TRIP4: variants seen among roughly 807,000 people sequenced by gnomAD.
TRIP4 encodes activating signal cointegrator 1.
TRIP4 carries 54 observed loss-of-function variants against 81.8 expected under a neutral mutation model. That is an observed-to-expected ratio of 0.66 (90% CI 0.53 to 0.83). The LOEUF is 0.83. Among genes scored for constraint, TRIP4 ranks in the 40% least tolerant of loss-of-function variants. The probability of loss-of-function intolerance (pLI) is 0.00; values close to 1 mark genes in which losing one functional copy is unlikely to be tolerated. For synonymous variants in TRIP4, 270 were observed against 242.8 expected, an observed-to-expected ratio of 1.11 and a Z score of -1.04; for missense variants, 662 against 683.6, an observed-to-expected ratio of 0.97 and a Z score of 0.35.
At chr15:64,389,599 G>A (rs1900057115) in intron 1 of TRIP4, among the ~76,000 whole-genome samples, 1 of 151,668 alleles carries the variant, frequency 6.6e-6, no homozygotes, top group South Asian at 2.1e-4. Context: ...GTATTTAGTA[G>A]TTTTCAAACA....
Position 64,414,132 on chromosome 15 carries a change from C to A in TRIP4, c.1091C>A (p.Pro364Gln). The A allele has an allele frequency of 6.2e-7, 1 of 1,614,100 alleles. No individual in the cohort carries two copies. The highest frequency in any genetic ancestry group is 1.3e-5 in the African/African-American group (1 of 75,026). ...ATTGCCAATGGAACCTTGAACCAGCCACTGACCAAATTGGATAGATCTTCT... is the reference window on the plus strand; with the variant it reads ...ATTGCCAATGGAACCTTGAACCAGCAACTGACCAAATTGGATAGATCTTCT... Reference protein sequence around the residue: ...QAIANGTLNQPLTKLDRSSEE... With the variant: ...QAIANGTLNQQLTKLDRSSEE... Residue 364 changes from proline to glutamine, a missense_variant, in exon 8 of 13, where the codon CCA (proline) becomes CAA (glutamine). Transcript: ENST00000261884.
chr15:64,432,433 G>T (rs906244643), intron 11 of TRIP4, among the ~76,000 whole-genome samples: 1 of 29,918 alleles, frequency 3.3e-5, no homozygotes, highest in Non-Finnish European at 1.7e-4. Context: ...GACCAGCTTG[G>T]TGACCATCTC....
intron 8 of TRIP4, among the ~76,000 whole-genome samples, chr15:64,418,238 A>T (rs1891929588): frequency 6.6e-6 from 1 of 152,070 alleles, no homozygotes; most frequent in Non-Finnish European, 1.5e-5. Context: ...CTGCCTCATG[A>T]GTAGCTGGGA....
intron 11 of TRIP4, among the ~76,000 whole-genome samples, chr15:64,428,723 C>G (rs1380242552): frequency 6.6e-6 from 1 of 152,096 alleles, no homozygotes; most frequent in African/African-American, 2.4e-5. Flanking sequence ...ATTCTCTTGC[C>G]TCACCCTCCT....
At chr15:64,438,543 T>C (rs750799640) in intron 11 of TRIP4, among the ~76,000 whole-genome samples, 2 of 152,188 alleles carry the variant, frequency 1.3e-5, no homozygotes, top group African/African-American at 4.8e-5. Context: ...GGTCTCGAAC[T>C]CCCAACCTCA....
chr15:64,395,124 A>C (rs1367583403), intron 2 of TRIP4, among the ~76,000 whole-genome samples: 1 of 152,154 alleles, frequency 6.6e-6, no homozygotes, highest in Non-Finnish European at 1.5e-5. Context: ...GGGATTATGC[A>C]TGTGAGCCAC....
chr15:64,414,666 G>A (rs934472511), intron 8 of TRIP4, among the ~76,000 whole-genome samples: 14 of 151,482 alleles, frequency 9.2e-5, no homozygotes, highest in Non-Finnish European at 1.3e-4. Flanking sequence ...ACAGGTGCCC[G>A]CTACCACGCC....
intron 11 of TRIP4, among the ~76,000 whole-genome samples, chr15:64,430,040 C>G (rs760477675): frequency 6.6e-6 from 1 of 152,122 alleles, no homozygotes; most frequent in Non-Finnish European, 1.5e-5. Flanking sequence ...ATAGTGTGAT[C>G]ATTTAGTCCT....
At chr15:64,444,686 T>G (rs1566985665) in intron 11 of TRIP4, 1 of 160,524 alleles carries the variant, frequency 6.2e-6, no homozygotes, top group Non-Finnish European at 1.4e-5. Flanking sequence ...CTCCTGACTC[T>G]TGGTTGTTTG....
intron 7 of TRIP4, 52 bp downstream of exon 7, chr15:64,409,880 A>T: frequency 6.5e-7 from 1 of 1,533,660 alleles, no homozygotes; most frequent in Non-Finnish European, 8.9e-7. Context: ...GTTGACCATA[A>T]AGGATTTTCC....
intron 4 of TRIP4, among the ~76,000 whole-genome samples, chr15:64,398,555 G>C: frequency 6.6e-6 from 1 of 152,092 alleles, no homozygotes; most frequent in East Asian, 1.9e-4. Context: ...CCAGGCTGCA[G>C]TGAGACAGCG....
intron 5 of TRIP4, 92 bp downstream of exon 5, chr15:64,400,913 A>G: frequency 9.6e-7 from 1 of 1,036,880 alleles, no homozygotes; most frequent in Non-Finnish European, 1.5e-6. Context: ...GGAGTGCAAG[A>G]TGCAGTTTAT....
chr15:64,404,132 G>T (rs2140288177), intron 5 of TRIP4, among the ~76,000 whole-genome samples: 1 of 152,038 alleles, frequency 6.6e-6, no homozygotes, highest in South Asian at 2.1e-4. Flanking sequence ...GGAGGTTGCA[G>T]TGAGCCGAGA....
Position 64,395,526 on chromosome 15 carries a change from G to A in TRIP4, c.400G>A (p.Ala134Thr). ...AGAGGTTAAAACACCTTTTGATTTGGCCAAGGTGAGTGCTTATAGATTGAA... is the reference window on the plus strand; with the variant it reads ...AGAGGTTAAAACACCTTTTGATTTGACCAAGGTGAGTGCTTATAGATTGAA... The part of the protein sequence containing the change: ...TAEVKTPFDL[A>T]KAQENSNSVK... The change falls in exon 3 of 13, where the codon GCC becomes ACC. Residue 134 changes from alanine (A) to threonine (T), a missense_variant. Physicochemically the swap from Ala to Thr is moderately conservative, Grantham distance 58. Transcript: ENST00000261884. The A allele has an allele frequency of 3.1e-6, 5 of 1,609,138 alleles. No homozygotes were observed. The highest frequency in any genetic ancestry group is 4.2e-6 in the Non-Finnish European group (5 of 1,177,444).
intron 12 of TRIP4, among the ~76,000 whole-genome samples, chr15:64,450,013 G>T (rs1386967966): frequency 1.3e-5 from 2 of 152,164 alleles, no homozygotes; most frequent in Non-Finnish European, 2.9e-5. Context: ...AAAATATTGG[G>T]GAAATACAGA....
chr15:64,426,699 CAA>C (rs35662517), intron 11 of TRIP4, among the ~76,000 whole-genome samples: 1,057 of 77,010 alleles, frequency 0.014, 10 homozygotes, highest in African/African-American at 0.032. Context: ...GACTCTGTCT[CAA>C]AAAAAAAAAA....
At chr15:64,446,070 C>T (rs914688249) in intron 12 of TRIP4, among the ~76,000 whole-genome samples, 4 of 151,878 alleles carry the variant, frequency 2.6e-5, no homozygotes, top group Non-Finnish European at 5.9e-5. Flanking sequence ...GTCAGGAGTT[C>T]GAGACCAGCC....
At chr15:64,409,576 C>T (rs1454339454) in intron 6 of TRIP4, 37 bp from the exon 7 acceptor site, 3 of 1,587,218 alleles carry the variant, frequency 1.9e-6, no homozygotes, top group East Asian at 2.2e-5. Context: ...TATTTGTCAA[C>T]AGATGACCTA....
chr15:64,399,901 G>A (rs1219434695), intron 4 of TRIP4, among the ~76,000 whole-genome samples: 1 of 151,452 alleles, frequency 6.6e-6, no homozygotes, highest in Non-Finnish European at 1.5e-5. Context: ...CTTGAGCCCG[G>A]GAGGTGGAGG....
Sources: allele counts gnomAD v4.1 joint callset (sites outside exome capture counted in the v4.1 genomes callset), GRCh38; gene constraint gnomAD v4.1.1; transcripts MANE v1.5; gene names NCBI Gene and HGNC (gene_info 2026-07-23, HGNC 2026-07-21).